Variants in RIMBP2 observed in about 807,000 individuals in gnomAD.
RIMBP2 encodes the protein RIMS binding protein 2, also known as RIMS-binding protein 2.
A neutral mutation model predicts 118.6 loss-of-function variants in RIMBP2; 48 were observed. The ratio of observed to expected loss-of-function variants is 0.40; its 90% confidence interval spans 0.32 to 0.51. RIMBP2 has a LOEUF of 0.51. Ranked by LOEUF, RIMBP2 falls within the 20% of genes least tolerant of loss-of-function variation. The probability of loss-of-function intolerance (pLI) is 0.41; values close to 1 mark genes in which losing one functional copy is unlikely to be tolerated. For missense variants in RIMBP2, 1,551 were observed against 1,768.3 expected, an observed-to-expected ratio of 0.88 and a Z score of 2.20; for synonymous variants, 762 against 742.9, an observed-to-expected ratio of 1.03 and a Z score of -0.42.
At chr12:130,470,650 A>C in intron 6 of RIMBP2, 43 bp downstream of exon 6, 1 of 1,186,298 alleles carries the variant, frequency 8.4e-7, no homozygotes, top group Admixed American at 4.2e-5. Context: ...ACTCTCCCCA[A>C]CGTCCCCCAC....
intron 2 of RIMBP2, among the ~76,000 whole-genome samples, chr12:130,618,809 G>C (rs1002003920): frequency 2.0e-5 from 3 of 152,190 alleles, no homozygotes; most frequent in Non-Finnish European, 2.9e-5. Flanking sequence ...GAACGGGATG[G>C]AGAAGAGATT....
At chr12:130,658,047 G>C (rs2063501208) in intron 1 of RIMBP2, 1 of 152,316 alleles carries the variant, frequency 6.6e-6, no homozygotes, top group African/African-American at 2.4e-5. Flanking sequence ...GGCTTGGGTT[G>C]TTCCCCCATC....
chr12:130,438,896 C>CCAA (rs1213240614), intron 11 of RIMBP2, among the ~76,000 whole-genome samples: 1 of 152,156 alleles, frequency 6.6e-6, no homozygotes, highest in South Asian at 2.1e-4. Context: ...CAGAGAGGGG[C>CCAA]CAACGAGACG....
intron 1 of RIMBP2, among the ~76,000 whole-genome samples, chr12:130,690,912 G>T (rs781119014): frequency 9.9e-5 from 15 of 152,118 alleles, no homozygotes; most frequent in Non-Finnish European, 2.1e-4. Flanking sequence ...ATTCACACCA[G>T]CCCACAGGGA....
intron 2 of RIMBP2, among the ~76,000 whole-genome samples, chr12:130,545,400 G>A (rs936853114): frequency 2.4e-5 from 3 of 124,080 alleles, no homozygotes; most frequent in Non-Finnish European, 4.9e-5. Flanking sequence ...TGTAAAATAA[G>A]GTATTATGAT....
intron 2 of RIMBP2, among the ~76,000 whole-genome samples, chr12:130,594,259 A>G (rs2140350039): frequency 6.6e-6 from 1 of 152,370 alleles, no homozygotes; most frequent in East Asian, 1.9e-4. Context: ...GTTCACCATC[A>G]GAAAGCTAAC....
chr12:130,458,780 C>T (rs376382035), intron 6 of RIMBP2, among the ~76,000 whole-genome samples: 39 of 152,210 alleles, frequency 2.6e-4, no homozygotes, highest in African/African-American at 9.4e-4. Context: ...CACGGTGGCT[C>T]ACGCCTGCAA....
intron 1 of RIMBP2, among the ~76,000 whole-genome samples, chr12:130,640,964 A>T (rs562362772): frequency 1.3e-5 from 2 of 152,370 alleles, no homozygotes; most frequent in East Asian, 3.9e-4. Context: ...AACGCCATCA[A>T]CCAAAGAAAG....
rs1050591172 is a variant in RIMBP2 at position 130,431,551 on chromosome 12, T to A, written c.2253+3183A>T. On this transcript the variant is annotated intron_variant, in intron 14 of 22. Transcript: ENST00000690449. The surrounding 1 kb of genome is among the most constrained non-coding windows in gnomAD (Gnocchi z 4.0). ...TGGAAAATAAGTATCACTTATTTTA[T>A]GTTATATTATTATATTATTAACAAT... is the stretch of plus-strand genomic sequence containing the variant. 1.3e-5 allele frequency: 3 copies of A among 239,052 alleles called. No individual in the cohort carries two copies. The highest frequency in any genetic ancestry group is 1.3e-3 in the Middle Eastern group (1 of 788). The allele number at this position is 239,052 out of a possible 1,614,324, so 14.8% of individuals were successfully genotyped here.
At chr12:130,497,276 T>C (rs1317579865) in intron 4 of RIMBP2, among the ~76,000 whole-genome samples, 1 of 152,196 alleles carries the variant, frequency 6.6e-6, no homozygotes, top group East Asian at 1.9e-4. Flanking sequence ...TGATTGAATC[T>C]ACCCCTCTGT....
At chr12:130,702,237 C>G (rs1047096774) in intron 1 of RIMBP2, among the ~76,000 whole-genome samples, 3 of 152,022 alleles carry the variant, frequency 2.0e-5, no homozygotes, top group Admixed American at 2.0e-4. Context: ...ACATGTGGGA[C>G]CGGGCACAGT....
intron 2 of RIMBP2, among the ~76,000 whole-genome samples, chr12:130,616,833 AAGG>A (rs2060972215): frequency 6.6e-6 from 1 of 152,286 alleles, no homozygotes; most frequent in African/African-American, 2.4e-5. Context: ...AGGCCACAGG[AAGG>A]AGAAGTCAGA....
intron 3 of RIMBP2, among the ~76,000 whole-genome samples, chr12:130,508,172 A>G (rs1206202916): frequency 6.6e-6 from 1 of 152,128 alleles, no homozygotes; most frequent in Non-Finnish European, 1.5e-5. Context: ...TGCAGAAAGC[A>G]TCACTTCTTG....
chr12:130,580,562 G>A (rs1303763667), intron 2 of RIMBP2, among the ~76,000 whole-genome samples: 6 of 152,230 alleles, frequency 3.9e-5, no homozygotes, highest in African/African-American at 9.6e-5. Flanking sequence ...TATTAGCAGC[G>A]TGAGAACAGA....
chr12:130,675,236 G>A (rs1471239304), intron 1 of RIMBP2, among the ~76,000 whole-genome samples: 1 of 152,210 alleles, frequency 6.6e-6, no homozygotes, highest in Non-Finnish European at 1.5e-5. Context: ...TTGTCCGCAG[G>A]CCTTCGGGAA....
intron 1 of RIMBP2, among the ~76,000 whole-genome samples, chr12:130,708,792 G>A (rs1051244244): frequency 3.9e-5 from 6 of 152,172 alleles, no homozygotes; most frequent in East Asian, 1.9e-4. Context: ...GGACACAGGC[G>A]TGTTTCAGAG....
At chr12:130,587,736 G>C in intron 2 of RIMBP2, among the ~76,000 whole-genome samples, 1 of 130,022 alleles carries the variant, frequency 7.7e-6, no homozygotes. Context: ...GCTAGATGAC[G>C]AGTTAGTGGG....
intron 2 of RIMBP2, among the ~76,000 whole-genome samples, chr12:130,519,880 ATGT>A (rs1405285670): frequency 1.3e-5 from 2 of 152,210 alleles, no homozygotes; most frequent in Non-Finnish European, 2.9e-5. Context: ...ACCCTAGCAG[ATGT>A]TGTGAGGATT....
At chr12:130,498,555 G>T (rs570147038) in intron 4 of RIMBP2, among the ~76,000 whole-genome samples, 6 of 151,250 alleles carry the variant, frequency 4.0e-5, no homozygotes, top group African/African-American at 1.5e-4. Flanking sequence ...TTTAGACCAG[G>T]TGGCCACGAA....
Sources: gnomAD v4.1 joint callset for allele counts (sites outside exome capture counted in the v4.1 genomes callset) on GRCh38, gnomAD v4.1.1 for gene constraint, Gnocchi (gnomAD v3.1) non-coding constraint, MANE v1.5 for transcripts, NCBI Gene and HGNC (gene_info 2026-07-23, HGNC 2026-07-21) for gene names.